Variants in MCC observed in about 807,000 individuals in gnomAD.
MCC encodes colorectal mutant cancer protein.
A neutral mutation model predicts 116.2 loss-of-function variants in MCC; 90 were observed. That is an observed-to-expected ratio of 0.77 (90% CI 0.65 to 0.92). The LOEUF is 0.92. MCC is among the 40% of genes least tolerant of loss of function. MCC has a pLI of 0.00. For missense variants in MCC, 1,516 were observed against 1,312.2 expected (o/e 1.16, Z -2.40); for synonymous variants, 578 against 510.5 (o/e 1.13, Z -1.78).
intron 3 of MCC, among the ~76,000 whole-genome samples, chr5:113,191,252 A>T (rs1420351665): frequency 6.6e-6 from 1 of 152,170 alleles, no homozygotes; most frequent in Non-Finnish European, 1.5e-5. Context: ...CCAGTACTCC[A>T]CATTTTTCTG....
At chr5:113,071,581 G>C (rs1754046757) in intron 11 of MCC, among the ~76,000 whole-genome samples, 1 of 152,176 alleles carries the variant, frequency 6.6e-6, no homozygotes, top group Admixed American at 6.5e-5. Flanking sequence ...GGAACGTCTG[G>C]TGGGCTTAGA....
intron 8 of MCC, among the ~76,000 whole-genome samples, chr5:113,087,653 T>C (rs1755296363): frequency 6.6e-6 from 1 of 152,110 alleles, no homozygotes; most frequent in Admixed American, 6.5e-5. Flanking sequence ...TGCTGATGAG[T>C]CTGATAAGGT....
At chr5:113,161,447 C>T (rs1435733527) in intron 3 of MCC, among the ~76,000 whole-genome samples, 2 of 152,070 alleles carry the variant, frequency 1.3e-5, no homozygotes, top group East Asian at 3.8e-4. Context: ...ATTGAATTCC[C>T]CATTCTAGAG....
chr5:113,107,354 A>G (rs947261889), intron 6 of MCC, among the ~76,000 whole-genome samples: 6 of 151,678 alleles, frequency 4.0e-5, no homozygotes, highest in Admixed American at 3.9e-4. Flanking sequence ...AGTAGCTTGG[A>G]TTACAGGCGT....
rs567218601 is a variant in MCC at position 113,391,848 on chromosome 5, T to C, written c.171-6636A>G. Among the ~76,000 whole-genome samples the C allele has an allele frequency of 1.2e-3, 185 of 152,188 alleles. 2 individuals are homozygous for C. The highest frequency in any genetic ancestry group is 4.4e-3 in the African/African-American group (183 of 41,534). ...AGACTTTGCCTCTGGGGACTGGGCA[T>C]GGGTGTGGAGAGGGAGGTAGGGTAG... On this transcript the variant is annotated intron_variant, in intron 1 of 18. Transcript: ENST00000408903.
At chr5:113,141,355 G>A (rs1759169983) in intron 5 of MCC, among the ~76,000 whole-genome samples, 1 of 152,200 alleles carries the variant, frequency 6.6e-6, no homozygotes, top group African/African-American at 2.4e-5. Context: ...TCTCAAGCTT[G>A]CAGTCAGCCT....
chr5:113,047,097 G>C (rs1711913873), intron 16 of MCC, among the ~76,000 whole-genome samples: 1 of 152,160 alleles, frequency 6.6e-6, no homozygotes, highest in Non-Finnish European at 1.5e-5. Context: ...GCTCAGCTCA[G>C]AAGTTCATTT....
chr5:113,281,958 T>C (rs1319997606), intron 3 of MCC, among the ~76,000 whole-genome samples: 1 of 152,208 alleles, frequency 6.6e-6, no homozygotes, highest in Non-Finnish European at 1.5e-5. Context: ...GCAATTACTA[T>C]GTATTTACTA....
At chr5:113,417,111 A>C (rs1252137152) in intron 1 of MCC, among the ~76,000 whole-genome samples, 1 of 151,996 alleles carries the variant, frequency 6.6e-6, no homozygotes, top group Non-Finnish European at 1.5e-5. Flanking sequence ...CTGGGACTAC[A>C]GACGCATGCC....
chr5:113,154,325 CTTACTG>C (rs1321137889), intron 3 of MCC, among the ~76,000 whole-genome samples: 3 of 152,210 alleles, frequency 2.0e-5, no homozygotes, highest in East Asian at 3.8e-4. Context: ...AAATATGTCT[CTTACTG>C]TTACTGACAA....
At chr5:113,269,183 C>G (rs180686861) in intron 3 of MCC, 1 of 985,282 alleles carries the variant, frequency 1.0e-6, no homozygotes, top group Non-Finnish European at 1.2e-6. Context: ...ACCCATGGAA[C>G]ACCAGCAGGC....
At chr5:113,072,558 C>G (rs1754112903) in intron 11 of MCC, among the ~76,000 whole-genome samples, 1 of 152,212 alleles carries the variant, frequency 6.6e-6, no homozygotes. Context: ...GTTACTCTTT[C>G]CTTCTTAAAG....
At chr5:113,152,540 T>C (rs1040639441) in intron 3 of MCC, among the ~76,000 whole-genome samples, 1 of 152,238 alleles carries the variant, frequency 6.6e-6, no homozygotes, top group Non-Finnish European at 1.5e-5. Context: ...CAAATACATT[T>C]GATCTTTAAA....
chr5:113,330,046 T>C (rs1047425140), intron 3 of MCC, among the ~76,000 whole-genome samples: 12 of 152,192 alleles, frequency 7.9e-5, no homozygotes, highest in African/African-American at 2.7e-4. Flanking sequence ...ACTTAGCACA[T>C]AAACTAACTG....
At chr5:113,365,274 T>C (rs1303353770) in intron 2 of MCC, among the ~76,000 whole-genome samples, 1 of 152,158 alleles carries the variant, frequency 6.6e-6, no homozygotes, top group Non-Finnish European at 1.5e-5. Flanking sequence ...CTACCAGATA[T>C]CCTAAATCAT....
chr5:113,324,835 CT>C (rs376266901), intron 3 of MCC, among the ~76,000 whole-genome samples: 24,189 of 144,208 alleles, frequency 0.17, 1,964 homozygotes, highest in Non-Finnish European at 0.2. Context: ...AGTTTTGGAA[CT>C]TTTTTTTTTT....
At chr5:113,305,988 A>T (rs145008080) in intron 3 of MCC, among the ~76,000 whole-genome samples, 187 of 152,332 alleles carry the variant, frequency 1.2e-3, no homozygotes, top group Non-Finnish European at 2.4e-3. Context: ...TGGACACACC[A>T]TATAAACAGA....
intron 3 of MCC, among the ~76,000 whole-genome samples, chr5:113,173,665 G>T (rs919292352): frequency 6.6e-6 from 1 of 152,078 alleles, no homozygotes; most frequent in Non-Finnish European, 1.5e-5. Flanking sequence ...CTTTGCAGAG[G>T]CTCTCTTTAA....
chr5:113,147,622 T>A (rs976469649), intron 4 of MCC, among the ~76,000 whole-genome samples: 1 of 152,300 alleles, frequency 6.6e-6, no homozygotes, highest in African/African-American at 2.4e-5. Context: ...CACACAGGAT[T>A]TGTCACAACT....
Sources: allele counts gnomAD v4.1 joint callset (sites outside exome capture counted in the v4.1 genomes callset), GRCh38; gene constraint gnomAD v4.1.1; transcripts MANE v1.5; gene names NCBI Gene and HGNC (gene_info 2026-07-23, HGNC 2026-07-21).